The following PXK variants were observed in gnomAD, a reference collection of about 807,000 sequenced individuals.
PXK encodes the protein PX domain containing serine/threonine kinase like, also known as PX domain-containing protein kinase-like protein.
Under a neutral mutation model 84.7 loss-of-function variants are expected in PXK, and 35 were observed. That is an observed-to-expected ratio of 0.41 (90% CI 0.32 to 0.55). The LOEUF (loss-of-function observed/expected upper bound fraction) is 0.55, where lower values mean the gene tolerates loss of function less well. Ranked by LOEUF, PXK falls within the 20% of genes least tolerant of loss-of-function variation. The pLI, the probability that PXK is intolerant of heterozygous loss-of-function variation, is 0.21. For synonymous variants in PXK, 253 were observed against 260.8 expected (o/e 0.97, Z 0.29); for missense variants, 634 against 699.7 (o/e 0.91, Z 1.06).
In PXK at chr3:58,382,558, TA is replaced by T; in HGVS notation, c.248del (p.Asn83ThrfsTer7). 1 of 1,600,552 alleles carries T rather than the reference TA, an allele frequency of 6.2e-7. No homozygotes were observed. Among genetic ancestry groups the T allele is most frequent in the Non-Finnish European group, 8.5e-7 (1 of 1,175,608 alleles). On this transcript the variant is annotated frameshift_variant, in exon 4 of 18. Coordinates refer to ENST00000356151, the MANE Select transcript of PXK (RefSeq NM_017771.5). LOFTEE classifies it high-confidence loss of function. ...LPLPPKKLIG[N>X]MDREFIAERQ... ...CTCTTCCTCCCAAAAAATTGATTGG[TA>T]ACATGGATCGTGAATTCATAGCTGA... is the stretch of plus-strand genomic sequence containing the variant.
chr3:58,361,647 T>G (rs865854527), intron 1 of PXK, among the ~76,000 whole-genome samples: 1 of 152,336 alleles, frequency 6.6e-6, no homozygotes, highest in South Asian at 2.1e-4. Flanking sequence ...CATGATTCTC[T>G]GGAGATCCAT....
At chr3:58,339,362 T>A (rs1404626281) in intron 1 of PXK, among the ~76,000 whole-genome samples, 1 of 151,762 alleles carries the variant, frequency 6.6e-6, no homozygotes, top group African/African-American at 2.4e-5. Context: ...CTCGAGTAGC[T>A]GGTATTACAG....
In PXK at chr3:58,397,821, TCCTCC is replaced by T; in HGVS notation, c.1102+100_1102+104del. 1 of 895,560 alleles carries T rather than the reference TCCTCC, an allele frequency of 1.1e-6. No homozygotes were observed. Among genetic ancestry groups the T allele is most frequent in the Non-Finnish European group, 1.7e-6 (1 of 584,554 alleles). The allele number at this position is 895,560 out of a possible 1,614,324, so 55.5% of individuals were successfully genotyped here. On this transcript the variant is annotated intron_variant, in intron 11 of 17. Coordinates refer to ENST00000356151, the MANE Select transcript of PXK (RefSeq NM_017771.5). The surrounding 1 kb of genome is among the most constrained non-coding windows in gnomAD (Gnocchi z 4.7). ...AGGAAAGACCCAGAGGAAGTTGCTG[TCCTCC>T]ACAGCCAGAAATTCTTACAAAATTT...
chr3:58,382,388 C>T (rs2098511525), intron 3 of PXK, 126 bp from the exon 4 acceptor site: 4 of 688,256 alleles, frequency 5.8e-6, no homozygotes, highest in South Asian at 6.8e-5. Context: ...TTTTATATCA[C>T]TGAAATTAGG....
Position 58,336,038 on chromosome 3 carries a change from C to CATAT in PXK, c.102+2979_102+2982dup, listed in dbSNP as rs1168755178. ...ATCAAGTTTGTTTAACCTTGGGAAA[C>CATAT]ATATATATATATATATATATATATA... is the stretch of plus-strand genomic sequence containing the variant. On this transcript the variant is annotated intron_variant, in intron 1 of 17. Coordinates refer to ENST00000356151, the MANE Select transcript of PXK (RefSeq NM_017771.5). 9.4e-3 allele frequency among the ~76,000 whole-genome samples: 404 copies of CATAT among 43,078 alleles called. 11 individuals are homozygous for CATAT. The highest frequency in any genetic ancestry group is 0.028 in the East Asian group (12 of 422). The allele number at this position is 43,078 out of a possible 152,430, so 28.3% of individuals were successfully genotyped here. A position where few individuals can be genotyped will look rare whatever the true frequency, so the allele number is the denominator to read the frequency against.
At position 58,409,173 on chromosome 3, in the gene PXK, C is replaced by G. The variant is rs553858610; in HGVS notation, c.1308+172C>G. On this transcript the variant is annotated intron_variant, in intron 14 of 17. Transcript: ENST00000356151. This position sits in a 1 kb window ranked among gnomAD's most constrained non-coding sequence, Gnocchi z 4.2. The stretch of plus-strand genomic sequence containing the variant: ...GAGCTGAATACTTGACAGTCCTGCC[C>G]TCAGTCCTGCCTAGTCTATGTGGGA... Among the ~76,000 whole-genome samples the G allele has an allele frequency of 6.6e-6, 1 of 152,312 alleles. No homozygotes were observed. The highest frequency in any genetic ancestry group is 1.5e-5 in the Non-Finnish European group (1 of 68,028).
chr3:58,411,280 A>T lies in PXK; in HGVS notation c.1465+1121A>T, dbSNP rs1167667697. Among the ~76,000 whole-genome samples the T allele has an allele frequency of 6.6e-6, 1 of 152,198 alleles. No individual in the cohort carries two copies. Among genetic ancestry groups the T allele is most frequent in the Non-Finnish European group, 1.5e-5 (1 of 68,036 alleles). On this transcript the variant is annotated intron_variant, in intron 16 of 17. Transcript: ENST00000356151. The surrounding 1 kb of genome is among the most constrained non-coding windows in gnomAD (Gnocchi z 4.2). ...GGCATGACCAGAGCTGGAGATTGGC[A>T]GCCCTGAATAGAGAAAGCCCATAAA...
At chr3:58,380,064 A>G (rs980590985) in intron 3 of PXK, among the ~76,000 whole-genome samples, 4 of 152,278 alleles carry the variant, frequency 2.6e-5, no homozygotes, top group Non-Finnish European at 1.5e-5. Flanking sequence ...TAGGAGTTTC[A>G]GTAAAAGAAA....
chr3:58,348,774 G>A (rs957457820), intron 1 of PXK, among the ~76,000 whole-genome samples: 1 of 151,390 alleles, frequency 6.6e-6, no homozygotes, highest in Non-Finnish European at 1.5e-5. Context: ...AAAAAGTCAG[G>A]TGTGGTGGCA....
At chr3:58,353,046 G>T (rs2097968337) in intron 1 of PXK, among the ~76,000 whole-genome samples, 1 of 151,946 alleles carries the variant, frequency 6.6e-6, no homozygotes, top group African/African-American at 2.4e-5. Context: ...ACCCAGGCTG[G>T]AGTGCAGTGG....
intron 1 of PXK, among the ~76,000 whole-genome samples, chr3:58,340,248 G>A (rs1200593020): frequency 6.6e-6 from 1 of 151,110 alleles, no homozygotes; most frequent in Admixed American, 6.6e-5. Flanking sequence ...TCAGCCTCCT[G>A]AGTAGCTGGA....
At position 58,354,854 on chromosome 3, in the gene PXK, G is replaced by A. The variant is rs373872934; in HGVS notation, c.103-11020G>A. ...TGGCCAGGTGTGGTGGCAGTGGCTC[G>A]CGCTTGTAATCCCAACACTTTTGGA... On this transcript the variant is annotated intron_variant, in intron 1 of 17. Transcript: ENST00000356151. Among the ~76,000 whole-genome samples, 21 of 152,088 alleles carry A rather than the reference G, an allele frequency of 1.4e-4. No individual in the cohort carries two copies. In the East Asian group the frequency reaches 1.9e-3, roughly 14 times the overall value.
In PXK at chr3:58,397,324, A is replaced by G; in HGVS notation, c.984+124A>G. On this transcript the variant is annotated intron_variant, in intron 10 of 17. Coordinates refer to ENST00000356151, the MANE Select transcript of PXK (RefSeq NM_017771.5). The surrounding 1 kb of genome is among the most constrained non-coding windows in gnomAD (Gnocchi z 4.7). ...ATAGTTGGGACAGGCCTTGCCCGTCAGCCCTTGCAGCGTTGCTGTATCTCT... is the reference window on the plus strand; with the variant it reads ...ATAGTTGGGACAGGCCTTGCCCGTCGGCCCTTGCAGCGTTGCTGTATCTCT... 1 of 1,186,714 alleles carries G rather than the reference A, an allele frequency of 8.4e-7. No homozygotes were observed. The highest frequency in any genetic ancestry group is 1.2e-6 in the Non-Finnish European group (1 of 830,840). The allele number at this position is 1,186,714 out of a possible 1,614,324, so 73.5% of individuals were successfully genotyped here.
chr3:58,422,268 T>C (rs886684345), intron 17 of PXK: 3 of 985,330 alleles, frequency 3.0e-6, no homozygotes, highest in Non-Finnish European at 3.6e-6. Context: ...CCCCTAGACC[T>C]CCTCTCCCCT....
At chr3:58,388,102 T>G (rs1369437506) in intron 4 of PXK, among the ~76,000 whole-genome samples, 1 of 152,016 alleles carries the variant, frequency 6.6e-6, no homozygotes, top group African/African-American at 2.4e-5. Flanking sequence ...GTTGCCCGAG[T>G]CTGGGGAAGG....
chr3:58,381,675 A>G (rs2098504706), intron 3 of PXK, among the ~76,000 whole-genome samples: 1 of 152,160 alleles, frequency 6.6e-6, no homozygotes, highest in Non-Finnish European at 1.5e-5. Flanking sequence ...TCGAATTATA[A>G]TATAATGATG....
chr3:58,339,217 GGTTTTTTTTT>G (rs550353729), intron 1 of PXK, among the ~76,000 whole-genome samples: 10,528 of 137,972 alleles, frequency 0.076, 476 homozygotes, highest in South Asian at 0.097. Flanking sequence ...TTTTGTGGGG[GGTTTTTTTTT>G]GTTTTTTTTT....
At position 58,425,039 on chromosome 3, in the gene PXK, GGAAAGT is replaced by G; in HGVS notation, c.*80_*85del. 6 of 1,549,240 alleles carry G rather than the reference GGAAAGT, an allele frequency of 3.9e-6. No homozygotes were observed. Among genetic ancestry groups the G allele is most frequent in the Non-Finnish European group, 5.2e-6 (6 of 1,145,464 alleles). ...TACCCCCCAAACTACCCTCTTCCTG[GGAAAGT>G]AATTGCTGAGCCAGTACAGCCACAA... On this transcript the variant is annotated 3_prime_UTR_variant, in exon 18 of 18. Transcript: ENST00000356151.
rs1433219715 is a variant in PXK, at chr3:58,416,576, A to G, written c.1528+3613A>G. Among the ~76,000 whole-genome samples, 1 of 119,310 alleles carries G rather than the reference A, an allele frequency of 8.4e-6. No individual in the cohort carries two copies. Among genetic ancestry groups the G allele is most frequent in the Non-Finnish European group, 1.8e-5 (1 of 55,530 alleles). 78.3% of individuals were successfully genotyped at this position (119,310 alleles called of 152,430 possible). A position where few individuals can be genotyped will look rare whatever the true frequency, so the allele number is the denominator to read the frequency against. ...ATTTACATAGGCTTGCTCTGCCTTC[A>G]AGGCCTCTGCAGAGTGAGAGCAGGA... On this transcript the variant is annotated intron_variant, in intron 17 of 17. Transcript: ENST00000356151. The surrounding 1 kb of genome is among the most constrained non-coding windows in gnomAD (Gnocchi z 4.8).
Sources: gnomAD v4.1 joint callset for allele counts (sites outside exome capture counted in the v4.1 genomes callset) on GRCh38, gnomAD v4.1.1 for gene constraint, Gnocchi (gnomAD v3.1) non-coding constraint, MANE v1.5 for transcripts, NCBI Gene and HGNC (gene_info 2026-07-23, HGNC 2026-07-21) for gene names.